Variants in ATP2C2 observed in about 807,000 individuals in gnomAD.
ATP2C2 encodes calcium-transporting ATPase type 2C member 2.
In ATP2C2, 171 loss-of-function variants were observed where a neutral mutation model predicts 110.8. The observed-to-expected ratio is 1.54, with a 90% CI of 1.36 to 1.75. ATP2C2 has a LOEUF of 1.75. Ranked by LOEUF, ATP2C2 falls within the 40% of genes most tolerant of loss-of-function variation. ATP2C2 has a pLI of 0.00. For missense variants in ATP2C2, 1,963 were observed against 1,235.0 expected, an observed-to-expected ratio of 1.59 and a Z score of -8.84; for synonymous variants, 804 against 508.4, an observed-to-expected ratio of 1.58 and a Z score of -7.82.
At chr16:84,432,236 A>G (rs564405474) in intron 11 of ATP2C2, among the ~76,000 whole-genome samples, 25 of 152,222 alleles carry the variant, frequency 1.6e-4, no homozygotes, top group South Asian at 8.3e-4. Context: ...ACTGTACCCA[A>G]TGTGTTGAGA....
intron 1 of ATP2C2, among the ~76,000 whole-genome samples, chr16:84,375,229 T>C (rs890297044): frequency 2.0e-5 from 3 of 152,208 alleles, no homozygotes; most frequent in Admixed American, 6.5e-5. Context: ...GCTATGATTC[T>C]AATGTTTTTA....
Position 84,368,549 on chromosome 16 carries a change from G to C in ATP2C2, c.-67G>C. 7.8e-7 allele frequency: 1 copy of C among 1,288,170 alleles called. No homozygotes were observed. The highest frequency in any genetic ancestry group is 1.3e-5 in the South Asian group (1 of 77,198). The allele number at this position is 1,288,170 out of a possible 1,614,324, so 79.8% of individuals were successfully genotyped here. On this transcript the variant is annotated 5_prime_UTR_variant, in exon 1 of 27. Coordinates refer to ENST00000262429, the MANE Select transcript of ATP2C2 (RefSeq NM_014861.4). ...ACCGGGTCCGGCCCAGGAGGCTTGG[G>C]CGCGCGCAGCCATCCCGGGCCTCGC...
At chr16:84,389,592 G>A (rs1042586418) in intron 1 of ATP2C2, among the ~76,000 whole-genome samples, 20 of 152,142 alleles carry the variant, frequency 1.3e-4, no homozygotes, top group Admixed American at 9.8e-4. Flanking sequence ...AGCCCTCTTC[G>A]GGCCCCTTGG....
chr16:84,451,947 C>T lies in ATP2C2; in HGVS notation c.1687C>T (p.Leu563=), dbSNP rs367888918. The change falls in exon 18 of 27, where the codon CTG becomes TTG. Residue 563 remains leucine, a synonymous_variant. Coordinates refer to ENST00000262429, the MANE Select transcript of ATP2C2 (RefSeq NM_014861.4). ...RVLALASGPE[L]GRLTFLGLVG... is the part of the protein sequence containing the mutation. ...GCTGGCCCTGGCTTCTGGGCCCGAG[C>T]TGGGGCGGCTGACGTTTCTCGGTCT... 2 of 1,613,944 alleles carry T rather than the reference C, an allele frequency of 1.2e-6. No individual in the cohort carries two copies. The highest frequency in any genetic ancestry group is 1.7e-6 in the Non-Finnish European group (2 of 1,180,030).
intron 1 of ATP2C2, among the ~76,000 whole-genome samples, chr16:84,382,175 C>A (rs970900312): frequency 6.6e-6 from 1 of 152,144 alleles, no homozygotes. Flanking sequence ...GTGATGTTCC[C>A]GTCCCTGTGT....
chr16:84,426,366 C>A (rs1370510004), intron 11 of ATP2C2, among the ~76,000 whole-genome samples: 3 of 152,176 alleles, frequency 2.0e-5, no homozygotes, highest in Admixed American at 1.3e-4. Flanking sequence ...GTCCAATCTC[C>A]TCCCACCTCC....
intron 11 of ATP2C2, 109 bp from the exon 12 acceptor site, chr16:84,439,057 T>C (rs1231910039): frequency 4.0e-6 from 6 of 1,491,408 alleles, no homozygotes; most frequent in East Asian, 2.3e-5. Flanking sequence ...ACCAGGACAC[T>C]GGGGACACCT....
At chr16:84,370,675 CTT>C (rs112540313) in intron 1 of ATP2C2, among the ~76,000 whole-genome samples, 4 of 143,682 alleles carry the variant, frequency 2.8e-5, no homozygotes, top group Non-Finnish European at 3.1e-5. Context: ...TTGGAATTGT[CTT>C]TTTTTTTTTT....
chr16:84,412,208 A>C (rs567960253), intron 6 of ATP2C2, among the ~76,000 whole-genome samples: 1 of 152,220 alleles, frequency 6.6e-6, no homozygotes, highest in South Asian at 2.1e-4. Context: ...GCTGCTACAA[A>C]AGTTACTGCA....
At chr16:84,438,911 G>T in intron 11 of ATP2C2, 1 of 398,546 alleles carries the variant, frequency 2.5e-6, no homozygotes, top group Non-Finnish European at 4.5e-6. Flanking sequence ...ACAGCTGACA[G>T]ACTAATTCAC....
At chr16:84,394,957 TAAC>T (rs1022005188) in intron 1 of ATP2C2, among the ~76,000 whole-genome samples, 72 of 152,252 alleles carry the variant, frequency 4.7e-4, no homozygotes, top group African/African-American at 1.7e-3. Context: ...GGCCACAGTT[TAAC>T]AACATTCACG....
In ATP2C2 at chr16:84,447,402, TTCTTTCATTCCACCCTTCTTCC is replaced by T. The variant is rs1238108706; in HGVS notation, c.1503+973_1503+994del. Among the ~76,000 whole-genome samples, 282 of 152,216 alleles carry T rather than the reference TTCTTTCATTCCACCCTTCTTCC, an allele frequency of 1.9e-3. 1 individual carries two copies. The highest frequency in any genetic ancestry group is 6.2e-3 in the African/African-American group (259 of 41,534). On this transcript the variant is annotated intron_variant, in intron 16 of 26. Coordinates refer to ENST00000262429, the MANE Select transcript of ATP2C2 (RefSeq NM_014861.4). ...AGAAATATGACATAAAAATGAAAGC[TTCTTTCATTCCACCCTTCTTCC>T]CTCCCTCCCCACCACCCACCCAGAG...
intron 16 of ATP2C2, among the ~76,000 whole-genome samples, chr16:84,446,883 G>A (rs1192466948): frequency 6.6e-6 from 1 of 152,110 alleles, no homozygotes; most frequent in African/African-American, 2.4e-5. Context: ...CCTGTGCTAA[G>A]TTTTTTATAC....
intron 15 of ATP2C2, among the ~76,000 whole-genome samples, chr16:84,443,700 C>G (rs1462631220): frequency 2.0e-5 from 3 of 152,212 alleles, no homozygotes; most frequent in African/African-American, 4.8e-5. Flanking sequence ...TCACTGAGCA[C>G]CAGGGCTCAC....
intron 15 of ATP2C2, among the ~76,000 whole-genome samples, 180 bp from the exon 16 acceptor site, chr16:84,446,148 CT>C (rs34605094): frequency 0.23 from 33,595 of 143,440 alleles, 4,005 homozygotes; most frequent in African/African-American, 0.32. Flanking sequence ...AGAGAAGAGA[CT>C]TTTTTTTTTT....
At chr16:84,433,048 G>C (rs562236075) in intron 11 of ATP2C2, among the ~76,000 whole-genome samples, 1 of 152,170 alleles carries the variant, frequency 6.6e-6, no homozygotes, top group African/African-American at 2.4e-5. Context: ...GAGGCTGCCA[G>C]AGAACACAGG....
intron 1 of ATP2C2, among the ~76,000 whole-genome samples, chr16:84,396,485 G>C (rs1034493955): frequency 6.7e-6 from 1 of 149,796 alleles, no homozygotes; most frequent in Non-Finnish European, 1.5e-5. Context: ...GGGAGGAGGA[G>C]GTTGTAGTGA....
intron 6 of ATP2C2, among the ~76,000 whole-genome samples, chr16:84,413,826 G>T (rs769379108): frequency 4.6e-5 from 7 of 152,154 alleles, no homozygotes; most frequent in Non-Finnish European, 8.8e-5. Context: ...CCTGGTGCAG[G>T]CATCAAATAT....
chr16:84,452,340 G>C (rs1910363499), intron 18 of ATP2C2, among the ~76,000 whole-genome samples: 1 of 152,180 alleles, frequency 6.6e-6, no homozygotes, highest in East Asian at 1.9e-4. Flanking sequence ...TGTGTGTCAG[G>C]GGCTTTTCAT....
Sources: gnomAD v4.1 joint callset for allele counts (sites outside exome capture counted in the v4.1 genomes callset) on GRCh38, gnomAD v4.1.1 for gene constraint, MANE v1.5 for transcripts, NCBI Gene and HGNC (gene_info 2026-07-23, HGNC 2026-07-21) for gene names.